SPINT2: variants seen among roughly 807,000 people sequenced by gnomAD.
SPINT2 encodes the protein serine peptidase inhibitor, Kunitz type 2, also known as kunitz-type protease inhibitor 2.
A neutral mutation model predicts 30.1 loss-of-function variants in SPINT2; 18 were observed. That is an observed-to-expected ratio of 0.60 (90% CI 0.41 to 0.89). SPINT2 has a LOEUF of 0.89. Among genes scored for constraint, SPINT2 ranks in the 40% least tolerant of loss-of-function variants. SPINT2 has a pLI of 0.00. For missense variants in SPINT2, 276 were observed against 334.3 expected (o/e 0.83, Z 1.36); for synonymous variants, 139 against 137.9 (o/e 1.01, Z -0.05).
chr19:38,292,186 C>T lies in SPINT2; in HGVS notation c.*180C>T, dbSNP rs1968730257. Reference sequence around the variant, plus strand: ...TTTGCTTTGGAAATCCTCTAGGAGGCTCCTCCTCGCATGGCCTGCAGTCTG... The same window carrying T: ...TTTGCTTTGGAAATCCTCTAGGAGGTTCCTCCTCGCATGGCCTGCAGTCTG... On this transcript the variant is annotated 3_prime_UTR_variant, in exon 7 of 7. Transcript: ENST00000301244. 1.3e-6 allele frequency: 1 copy of T among 784,210 alleles called. No individual in the cohort carries two copies. The highest frequency in any genetic ancestry group is 1.7e-5 in the African/African-American group (1 of 58,068). The allele number at this position is 784,210 out of a possible 1,614,324, so 48.6% of individuals were successfully genotyped here.
Position 38,291,957 on chromosome 19 carries a change from G to A in SPINT2, c.710G>A (p.Ser237Asn), listed in dbSNP as rs1968726536. The part of the protein sequence containing the change: ...NQERALRTVW[S>N]SGDDKEQLVK... ...GAGCGTGCCCTGCGCACCGTCTGGAGCTCCGGAGATGACAAGGAGCAGCTG... is the reference window on the plus strand; with the variant it reads ...GAGCGTGCCCTGCGCACCGTCTGGAACTCCGGAGATGACAAGGAGCAGCTG... Residue 237 changes from serine to asparagine, a missense_variant, in exon 7 of 7, where the codon AGC becomes AAC. Transcript: ENST00000301244. The A allele has an allele frequency of 6.2e-7, 1 of 1,614,136 alleles. No individual in the cohort carries two copies.
At chr19:38,284,696 G>C (rs562768751) in intron 2 of SPINT2, among the ~76,000 whole-genome samples, 15 of 152,250 alleles carry the variant, frequency 9.9e-5, no homozygotes, top group African/African-American at 3.4e-4. Context: ...TTGAGCAGAG[G>C]CTTTTTGATC....
intron 1 of SPINT2, among the ~76,000 whole-genome samples, chr19:38,273,497 C>A (rs1310083302): frequency 6.6e-6 from 1 of 152,194 alleles, no homozygotes; most frequent in African/African-American, 2.4e-5. Flanking sequence ...CTGTGCCCGG[C>A]CTCAGTACCT....
chr19:38,264,978 A>G lies in SPINT2; in HGVS notation c.86A>G (p.Asp29Gly). Residue 29 changes from aspartate (D) to glycine (G), a missense_variant, in exon 1 of 7, where the codon GAC becomes GGC. Transcript: ENST00000301244. ...CTCCTCTCTGGGGTCCTGGCGGCCGACCGAGAACGCAGCATCCACGGTGAG... is the reference window on the plus strand; with the variant it reads ...CTCCTCTCTGGGGTCCTGGCGGCCGGCCGAGAACGCAGCATCCACGGTGAG... Reference protein sequence around the residue: ...SLLLSGVLAADRERSIHDFCL... With the variant: ...SLLLSGVLAAGRERSIHDFCL... The G allele has an allele frequency of 6.5e-7, 1 of 1,529,386 alleles. No homozygotes were observed. The highest frequency in any genetic ancestry group is 1.2e-5 in the South Asian group (1 of 83,504). The allele number at this position is 1,529,386 out of a possible 1,614,324, so 94.7% of individuals were successfully genotyped here. A position where few individuals can be genotyped will look rare whatever the true frequency, so the allele number is the denominator to read the frequency against.
intron 1 of SPINT2, among the ~76,000 whole-genome samples, chr19:38,274,166 C>T (rs761557967): frequency 1.3e-5 from 2 of 151,764 alleles, no homozygotes; most frequent in Non-Finnish European, 2.9e-5. Flanking sequence ...GTCAAGGCTA[C>T]TGTGAGCCAA....
Position 38,290,932 on chromosome 19 carries a change from G to C in SPINT2, c.592+357G>C. The C allele has an allele frequency of 2.5e-6, 1 of 398,930 alleles. No homozygotes were observed. The highest frequency in any genetic ancestry group is 4.8e-6 in the Non-Finnish European group (1 of 209,654). The allele number at this position is 398,930 out of a possible 1,614,324, so 24.7% of individuals were successfully genotyped here. A position where few individuals can be genotyped will look rare whatever the true frequency, so the allele number is the denominator to read the frequency against. ...AAGAGTTGGTCACGGGTGACAGGACGGAGGACCACGGGCCAGGGTGTTTCC... is the reference window on the plus strand; with the variant it reads ...AAGAGTTGGTCACGGGTGACAGGACCGAGGACCACGGGCCAGGGTGTTTCC... On this transcript the variant is annotated intron_variant, in intron 6 of 6. Transcript: ENST00000301244. The surrounding 1 kb of genome is among the most constrained non-coding windows in gnomAD (Gnocchi z 4.3).
intron 1 of SPINT2, among the ~76,000 whole-genome samples, chr19:38,279,162 T>G (rs1968551843): frequency 6.6e-6 from 1 of 151,594 alleles, no homozygotes; most frequent in South Asian, 2.1e-4. Flanking sequence ...ATCTGCTACT[T>G]AGAACTCTTT....
At chr19:38,283,833 CTTTTTTTTTTTTTTT>C (rs754820019) in intron 2 of SPINT2, 36 bp downstream of exon 2, 30 of 941,590 alleles carry the variant, frequency 3.2e-5, no homozygotes, top group East Asian at 6.9e-5. Flanking sequence ...TGTTTTTTTC[CTTTTTTTTTTTTTTT>C]TTTTTTTTTT....
intron 2 of SPINT2, among the ~76,000 whole-genome samples, chr19:38,287,595 G>A (rs780378140): frequency 1.3e-5 from 2 of 152,182 alleles, no homozygotes; most frequent in African/African-American, 4.8e-5. Context: ...CCAAAGTACT[G>A]GAATTACAGC....
chr19:38,284,335 T>G (rs1968617310), intron 2 of SPINT2, among the ~76,000 whole-genome samples: 1 of 152,110 alleles, frequency 6.6e-6, no homozygotes, highest in Non-Finnish European at 1.5e-5. Flanking sequence ...CCTCAAGTGA[T>G]CCTCCCACCT....
chr19:38,267,563 G>A (rs922658480), intron 1 of SPINT2, among the ~76,000 whole-genome samples: 1 of 152,130 alleles, frequency 6.6e-6, no homozygotes, highest in African/African-American at 2.4e-5. Flanking sequence ...ATAGGATGCA[G>A]TGGGTAGTGA....
At chr19:38,267,565 G>A (rs1365588658) in intron 1 of SPINT2, among the ~76,000 whole-genome samples, 1 of 151,982 alleles carries the variant, frequency 6.6e-6, no homozygotes, top group East Asian at 1.9e-4. Context: ...AGGATGCAGT[G>A]GGTAGTGAGT....
chr19:38,277,441 T>C (rs1314348821), intron 1 of SPINT2, among the ~76,000 whole-genome samples: 1 of 152,026 alleles, frequency 6.6e-6, no homozygotes, highest in Non-Finnish European at 1.5e-5. Context: ...CTCAAGCAAT[T>C]TGCTCGTCTC....
intron 6 of SPINT2, chr19:38,291,624 C>T (rs1968719986): frequency 1.7e-6 from 1 of 585,876 alleles, no homozygotes; most frequent in Non-Finnish European, 3.0e-6. Flanking sequence ...CTGGCACGCA[C>T]ATAGCATGGC....
chr19:38,292,158 G>A lies in SPINT2; in HGVS notation c.*152G>A. On this transcript the variant is annotated 3_prime_UTR_variant, in exon 7 of 7. Coordinates refer to ENST00000301244, the MANE Select transcript of SPINT2 (RefSeq NM_021102.4). ...GGCTGCTTCCTGGTCTGGCAGGGAT[G>A]GGTTTGCTTTGGAAATCCTCTAGGA... is the stretch of plus-strand genomic sequence containing the variant. 1.7e-6 allele frequency: 2 copies of A among 1,152,244 alleles called. No homozygotes were observed. The highest frequency in any genetic ancestry group is 3.1e-5 in the African/African-American group (2 of 65,346). 71.4% of individuals were successfully genotyped at this position (1,152,244 alleles called of 1,614,324 possible).
intron 1 of SPINT2, among the ~76,000 whole-genome samples, chr19:38,272,962 T>A (rs751325445): frequency 2.6e-5 from 4 of 152,184 alleles, no homozygotes; most frequent in Non-Finnish European, 5.9e-5. Flanking sequence ...CCTCAGGTGA[T>A]CCACCTGCCT....
intron 1 of SPINT2, among the ~76,000 whole-genome samples, chr19:38,280,927 A>G (rs1011079683): frequency 6.6e-6 from 1 of 152,236 alleles, no homozygotes; most frequent in South Asian, 2.1e-4. Context: ...TAGGAAGCTA[A>G]GACACAAAGC....
chr19:38,281,147 G>T (rs946418759), intron 1 of SPINT2, among the ~76,000 whole-genome samples: 5 of 152,270 alleles, frequency 3.3e-5, no homozygotes, highest in African/African-American at 1.2e-4. Flanking sequence ...ACCTCCTCCT[G>T]CTGTTTTCTC....
intron 1 of SPINT2, among the ~76,000 whole-genome samples, chr19:38,280,458 A>G (rs989714294): frequency 6.6e-6 from 1 of 152,172 alleles, no homozygotes; most frequent in Non-Finnish European, 1.5e-5. Context: ...CTGTAAATTC[A>G]TCACCTGCTG....
Sources: allele counts gnomAD v4.1 joint callset (sites outside exome capture counted in the v4.1 genomes callset), GRCh38; gene constraint gnomAD v4.1.1; non-coding constraint Gnocchi (gnomAD v3.1); transcripts MANE v1.5; gene names NCBI Gene and HGNC (gene_info 2026-07-23, HGNC 2026-07-21).